ERC1: variants seen among roughly 807,000 people sequenced by gnomAD.
ERC1 encodes ELKS/RAB6-interacting/CAST family member 1, also known as RAB6 interacting protein 2.
A neutral mutation model predicts 132.0 loss-of-function variants in ERC1; 56 were observed. The ratio of observed to expected loss-of-function variants is 0.42; its 90% CI spans 0.34 to 0.53. The LOEUF (loss-of-function observed/expected upper bound fraction) is 0.53, where lower values mean the gene tolerates loss of function less well. ERC1 is among the 20% of genes least tolerant of loss of function. The probability of loss-of-function intolerance (pLI) is 0.03; values close to 1 mark genes in which losing one functional copy is unlikely to be tolerated. For missense variants in ERC1, 1,202 were observed against 1,349.9 expected (o/e 0.89, Z 1.72); for synonymous variants, 478 against 476.1 (o/e 1.00, Z -0.05).
chr12:1,439,726 C>A (rs758463254), intron 17 of ERC1, among the ~76,000 whole-genome samples: 2 of 152,192 alleles, frequency 1.3e-5, no homozygotes, highest in African/African-American at 4.8e-5. Flanking sequence ...AGTAGGACCC[C>A]TTGCCAATGT....
At chr12:1,479,660 A>C (rs2094046084) in intron 18 of ERC1, among the ~76,000 whole-genome samples, 2 of 152,186 alleles carry the variant, frequency 1.3e-5, no homozygotes, top group African/African-American at 4.8e-5. Flanking sequence ...CAGGACGGGC[A>C]GGATTCAGTG....
intron 15 of ERC1, among the ~76,000 whole-genome samples, chr12:1,371,129 G>A (rs2087176097): frequency 6.6e-6 from 1 of 152,198 alleles, no homozygotes; most frequent in African/African-American, 2.4e-5. Flanking sequence ...TCATACAGCA[G>A]ATCTCTAGAA....
At position 1,493,542 on chromosome 12, in the gene ERC1, A is replaced by ATATAT. The variant is rs1555139579; in HGVS notation, c.*3312_*3313insTATAT. 9 of 23,458 alleles carry ATATAT rather than the reference A, an allele frequency of 3.8e-4. No individual in the cohort carries two copies. The highest frequency in any genetic ancestry group is 5.6e-4 in the Non-Finnish European group (6 of 10,732). The allele number at this position is 23,458 out of a possible 1,614,324, so 1.5% of individuals were successfully genotyped here. A position where few individuals can be genotyped will look rare whatever the true frequency, so the allele number is the denominator to read the frequency against. ...ACAGAGACTCCATTTAAAAAAAAAA[A>ATATAT]AAAAAAATATATATATATATATATA... is the stretch of plus-strand genomic sequence containing the variant. On this transcript the variant is annotated 3_prime_UTR_variant, in exon 19 of 19. Coordinates refer to ENST00000360905, the MANE Select transcript of ERC1 (RefSeq NM_178040.4).
chr12:1,282,191 T>C (rs1401589447), intron 14 of ERC1, among the ~76,000 whole-genome samples: 1 of 152,120 alleles, frequency 6.6e-6, no homozygotes, highest in African/African-American at 2.4e-5. Context: ...CACTGATACA[T>C]GGTAGCAAAG....
chr12:1,009,425 C>T (rs968901798), intron 1 of ERC1, among the ~76,000 whole-genome samples: 13 of 152,254 alleles, frequency 8.5e-5, no homozygotes, highest in South Asian at 4.1e-4. Context: ...CCGCCCACCT[C>T]GGCCTCCCAA....
intron 11 of ERC1, among the ~76,000 whole-genome samples, chr12:1,189,406 TA>T (rs1238655820): frequency 3.9e-5 from 6 of 152,202 alleles, no homozygotes; most frequent in Non-Finnish European, 8.8e-5. Context: ...TCACACGTGT[TA>T]GGTAAAGCAG....
chr12:1,227,594 T>G (rs1202034069), intron 12 of ERC1, among the ~76,000 whole-genome samples: 1 of 152,260 alleles, frequency 6.6e-6, no homozygotes, highest in East Asian at 1.9e-4. Flanking sequence ...TTTCCCATTC[T>G]TTAAGTTGTC....
chr12:1,056,997 A>G (rs1200897388), intron 2 of ERC1, among the ~76,000 whole-genome samples: 3 of 152,190 alleles, frequency 2.0e-5, no homozygotes, highest in Non-Finnish European at 4.4e-5. Context: ...GGAAATTAGT[A>G]AATATTTGAA....
rs151167389 is a variant in ERC1, at chr12:1,300,452, A to G, written c.2780+10440A>G. On this transcript the variant is annotated intron_variant, in intron 15 of 18. Transcript: ENST00000360905. ...GCTGTTGCAACAAAAACAAACAATG[A>G]CAAATGGGATCTAATTAAACTATAG... Among the ~76,000 whole-genome samples the G allele has an allele frequency of 7.9e-3, 1,209 of 152,338 alleles. 8 individuals carry two copies. The highest frequency in any genetic ancestry group is 0.031 in the Middle Eastern group (9 of 294).
At chr12:1,252,139 A>G (rs1467054535) in intron 13 of ERC1, among the ~76,000 whole-genome samples, 1 of 152,136 alleles carries the variant, frequency 6.6e-6, no homozygotes, top group South Asian at 2.1e-4. Flanking sequence ...TGTGTTAGGA[A>G]CGTTATAATT....
intron 8 of ERC1, among the ~76,000 whole-genome samples, chr12:1,144,571 T>C (rs376091922): frequency 6.8e-6 from 1 of 147,486 alleles, no homozygotes; most frequent in African/African-American, 2.7e-5. Flanking sequence ...TTGTTGCGAA[T>C]GCCATTATTT....
At chr12:1,426,160 A>G (rs1591979990) in intron 17 of ERC1, among the ~76,000 whole-genome samples, 1 of 150,320 alleles carries the variant, frequency 6.7e-6, no homozygotes, top group African/African-American at 2.5e-5. Flanking sequence ...CTGGAGTGCA[A>G]TGGTGCGATC....
chr12:997,322 T>C (rs1961133353), intron 1 of ERC1, among the ~76,000 whole-genome samples: 1 of 152,262 alleles, frequency 6.6e-6, no homozygotes, highest in Non-Finnish European at 1.5e-5. Flanking sequence ...CTAGGCTTTT[T>C]CATGTCGTCT....
chr12:1,003,958 G>C (rs1339137488), intron 1 of ERC1, among the ~76,000 whole-genome samples: 1 of 152,208 alleles, frequency 6.6e-6, no homozygotes, highest in Admixed American at 6.5e-5. Context: ...CTACAGCGCT[G>C]TTCTAAGTTA....
intron 13 of ERC1, among the ~76,000 whole-genome samples, chr12:1,239,598 G>C (rs2075664783): frequency 6.6e-6 from 1 of 152,084 alleles, no homozygotes; most frequent in African/African-American, 2.4e-5. Flanking sequence ...TACACGTACG[G>C]TCCCAGCTAC....
chr12:1,083,851 A>C (rs553807509), intron 3 of ERC1, among the ~76,000 whole-genome samples: 1 of 152,198 alleles, frequency 6.6e-6, no homozygotes, highest in Non-Finnish European at 1.5e-5. Context: ...CTAAAGGGGT[A>C]AAAAATTCCT....
At chr12:1,236,948 T>G in intron 13 of ERC1, 44 bp downstream of exon 13, 1 of 1,604,956 alleles carries the variant, frequency 6.2e-7, no homozygotes, top group Non-Finnish European at 8.5e-7. Flanking sequence ...TGAAGACATT[T>G]GATCCGTAAT....
intron 16 of ERC1, among the ~76,000 whole-genome samples, chr12:1,372,221 T>TAAAA (rs2087329647): frequency 6.6e-6 from 1 of 152,218 alleles, no homozygotes. Flanking sequence ...GAATGTTTTT[T>TAAAA]AACTTTGTAC....
intron 15 of ERC1, among the ~76,000 whole-genome samples, chr12:1,304,002 T>C (rs1330802248): frequency 1.3e-5 from 2 of 151,498 alleles, no homozygotes; most frequent in African/African-American, 2.4e-5. Flanking sequence ...AGGTTTGATA[T>C]ATATCTAGAT....
Sources: gnomAD v4.1 joint callset for allele counts (sites outside exome capture counted in the v4.1 genomes callset) on GRCh38, gnomAD v4.1.1 for gene constraint, MANE v1.5 for transcripts, NCBI Gene and HGNC (gene_info 2026-07-23, HGNC 2026-07-21) for gene names.